Variants in DLGAP1 observed in about 807,000 individuals in gnomAD.
DLGAP1 encodes disks large-associated protein 1.
Under a neutral mutation model 90.8 loss-of-function variants are expected in DLGAP1, and 11 were observed. That is an observed-to-expected ratio of 0.12 (90% CI 0.08 to 0.20). DLGAP1 has a LOEUF of 0.20. Among genes scored for constraint, DLGAP1 ranks in the 10% least tolerant of loss-of-function variants. DLGAP1 has a pLI of 1.00. For missense variants in DLGAP1, 1,050 were observed against 1,333.8 expected (o/e 0.79, Z 3.31); for synonymous variants, 558 against 540.7 (o/e 1.03, Z -0.44).
intron 2 of DLGAP1, among the ~76,000 whole-genome samples, chr18:4,150,726 G>A (rs1016930400): frequency 2.6e-5 from 4 of 152,172 alleles, no homozygotes; most frequent in Non-Finnish European, 5.9e-5. Flanking sequence ...GAGCCACCAC[G>A]CCCTGCCTTT....
intron 2 of DLGAP1, among the ~76,000 whole-genome samples, chr18:4,043,965 C>G (rs1312754656): frequency 6.6e-6 from 1 of 152,066 alleles, no homozygotes; most frequent in Non-Finnish European, 1.5e-5. Context: ...CGAAGACAGA[C>G]CAATGTCATA....
At chr18:3,661,481 C>T (rs1279912557) in intron 7 of DLGAP1, among the ~76,000 whole-genome samples, 2 of 151,920 alleles carry the variant, frequency 1.3e-5, no homozygotes, top group South Asian at 2.1e-4. Flanking sequence ...AGTCCTGAGA[C>T]GGTCCTGATG....
intron 4 of DLGAP1, among the ~76,000 whole-genome samples, chr18:3,831,711 C>T (rs2068044556): frequency 6.6e-6 from 1 of 152,188 alleles, no homozygotes; most frequent in East Asian, 1.9e-4. Context: ...ATTCAGATCT[C>T]CTTTGGCCCA....
intron 1 of DLGAP1, among the ~76,000 whole-genome samples, chr18:4,425,175 T>A (rs944612560): frequency 2.0e-5 from 3 of 152,166 alleles, no homozygotes; most frequent in Non-Finnish European, 2.9e-5. Context: ...AAAATTGTTA[T>A]AAAATGGTTC....
At chr18:4,104,367 T>A (rs1011810600) in intron 2 of DLGAP1, among the ~76,000 whole-genome samples, 4 of 152,268 alleles carry the variant, frequency 2.6e-5, no homozygotes, top group Middle Eastern at 3.4e-3. Context: ...CTTTCTTGAA[T>A]CCCTGAGTAT....
chr18:4,388,188 T>C (rs948960406), intron 1 of DLGAP1, among the ~76,000 whole-genome samples: 6 of 151,892 alleles, frequency 4.0e-5, no homozygotes, highest in Non-Finnish European at 5.9e-5. Context: ...AGGGCAATGC[T>C]AAAGAGTGTT....
intron 1 of DLGAP1, among the ~76,000 whole-genome samples, chr18:4,305,691 T>C (rs1268706211): frequency 6.6e-6 from 1 of 152,200 alleles, no homozygotes; most frequent in Non-Finnish European, 1.5e-5. Context: ...GATAAAGTCA[T>C]GCTCAGAAAG....
intron 4 of DLGAP1, 72 bp from the exon 5 acceptor site, chr18:3,814,345 T>TA (rs1413048351): frequency 1.4e-6 from 2 of 1,411,200 alleles, no homozygotes; most frequent in African/African-American, 2.9e-5. Context: ...TCTTTTTTTT[T>TA]AGATTTAACA....
intron 4 of DLGAP1, among the ~76,000 whole-genome samples, chr18:3,867,180 A>G (rs745541918): frequency 6.6e-6 from 1 of 152,168 alleles, no homozygotes; most frequent in Admixed American, 6.5e-5. Flanking sequence ...ACTGTGAGTC[A>G]CAGTGTGGGT....
At chr18:4,389,268 GA>G (rs2082294278) in intron 1 of DLGAP1, among the ~76,000 whole-genome samples, 2 of 152,122 alleles carry the variant, frequency 1.3e-5, no homozygotes, top group South Asian at 4.1e-4. Context: ...ACAAAAAGAT[GA>G]ATACTTTATG....
chr18:4,412,137 T>C (rs1029631858), intron 1 of DLGAP1, among the ~76,000 whole-genome samples: 1 of 152,168 alleles, frequency 6.6e-6, no homozygotes, highest in African/African-American at 2.4e-5. Context: ...GGCTCAGGGC[T>C]TAATGATGAG....
chr18:3,591,717 A>G (rs1442687938), intron 7 of DLGAP1, among the ~76,000 whole-genome samples: 2 of 152,084 alleles, frequency 1.3e-5, no homozygotes, highest in African/African-American at 2.4e-5. Flanking sequence ...CAAAAAATAA[A>G]AATAAAAAGA....
intron 1 of DLGAP1, among the ~76,000 whole-genome samples, chr18:4,435,316 T>G (rs935165573): frequency 6.6e-6 from 1 of 152,152 alleles, no homozygotes; most frequent in Non-Finnish European, 1.5e-5. Flanking sequence ...TAGGCTGCCT[T>G]TTAAGTTTCT....
chr18:4,232,275 A>AT (rs1185924646), intron 1 of DLGAP1, among the ~76,000 whole-genome samples: 1 of 151,860 alleles, frequency 6.6e-6, no homozygotes, highest in Admixed American at 6.6e-5. Context: ...GGGTCCTTAA[A>AT]TTTTTTTTTA....
chr18:4,052,076 T>C (rs2075142021), intron 2 of DLGAP1, among the ~76,000 whole-genome samples: 1 of 152,220 alleles, frequency 6.6e-6, no homozygotes, highest in African/African-American at 2.4e-5. Context: ...GCTGCTTTCA[T>C]GGGCTGGCAT....
chr18:4,268,159 C>T (rs2079172543), intron 1 of DLGAP1, among the ~76,000 whole-genome samples: 1 of 152,124 alleles, frequency 6.6e-6, no homozygotes, highest in Admixed American at 6.5e-5. Context: ...ACTGTTAGAC[C>T]AGCTCTTCTC....
rs2062322976 is a variant in DLGAP1, at chr18:3,729,312, C to T, written c.1414G>A (p.Glu472Lys). 1 of 1,614,012 alleles carries T rather than the reference C, an allele frequency of 6.2e-7. No homozygotes were observed. Among genetic ancestry groups the T allele is most frequent in the African/African-American group, 1.3e-5 (1 of 74,940 alleles). Residue 472 changes from glutamate to lysine, a missense_variant, in exon 7 of 13, where the codon GAG becomes AAG. Physicochemically the swap from Glu to Lys is moderately conservative, Grantham distance 56. This residue lies in a region of DLGAP1 where 565 missense variants were observed against 879.7 expected (regional missense o/e 0.64). Transcript: ENST00000315677. This position sits in a 1 kb window ranked among gnomAD's most constrained non-coding sequence, Gnocchi z 6.2. ...TCCAGCGCTTCCACGGCCTGCGACT[C>T]CAGCTCGCTGAACACGGACTCGCAC... ...SVCESVFSELESQAVEALDLP... is the reference protein window; with the variant it reads ...SVCESVFSELKSQAVEALDLP...
At chr18:4,059,110 A>G (rs577306344) in intron 2 of DLGAP1, among the ~76,000 whole-genome samples, 2 of 152,272 alleles carry the variant, frequency 1.3e-5, no homozygotes, top group East Asian at 3.9e-4. Flanking sequence ...CCCAAGGATG[A>G]ATAGGGGGCC....
At chr18:3,936,900 G>A (rs374546610) in intron 3 of DLGAP1, among the ~76,000 whole-genome samples, 1 of 152,192 alleles carries the variant, frequency 6.6e-6, no homozygotes. Context: ...TGGGTGGAGG[G>A]AGGGACACAC....
Sources: allele counts gnomAD v4.1 joint callset (sites outside exome capture counted in the v4.1 genomes callset), GRCh38; gene constraint gnomAD v4.1.1; regional missense constraint gnomAD v4.1.1; non-coding constraint Gnocchi (gnomAD v3.1); transcripts MANE v1.5; gene names NCBI Gene and HGNC (gene_info 2026-07-23, HGNC 2026-07-21).